HS3ST4: variants seen among roughly 807,000 people sequenced by gnomAD.
The protein encoded by HS3ST4 is heparan sulfate-glucosamine 3-sulfotransferase 4, also known as heparan sulfate glucosamine 3-O-sulfotransferase 4.
In HS3ST4, 17 loss-of-function variants were observed where a neutral mutation model predicts 29.2. The observed-to-expected ratio is 0.58, with a 90% CI of 0.40 to 0.87. The LOEUF is 0.87. Among genes scored for constraint, HS3ST4 ranks in the 40% least tolerant of loss-of-function variants. The probability of loss-of-function intolerance (pLI) is 0.00; values close to 1 mark genes in which losing one functional copy is unlikely to be tolerated. For synonymous variants in HS3ST4, 314 were observed against 285.7 expected (o/e 1.10, Z -1.00); for missense variants, 627 against 634.5 (o/e 0.99, Z 0.13).
intron 1 of HS3ST4, among the ~76,000 whole-genome samples, chr16:26,113,661 A>T (rs907990765): frequency 2.0e-5 from 3 of 152,056 alleles, no homozygotes; most frequent in African/African-American, 7.2e-5. Context: ...AGATGATGAG[A>T]ATAATGGCTG....
intron 1 of HS3ST4, among the ~76,000 whole-genome samples, chr16:26,000,584 A>G (rs1042571804): frequency 4.6e-5 from 7 of 152,110 alleles, no homozygotes; most frequent in Admixed American, 2.0e-4. Flanking sequence ...AGCCACTAGG[A>G]TTGAGTAGCA....
chr16:26,024,385 G>A (rs1362542326), intron 1 of HS3ST4, among the ~76,000 whole-genome samples: 1 of 152,096 alleles, frequency 6.6e-6, no homozygotes, highest in Non-Finnish European at 1.5e-5. Context: ...TAGAACTGTG[G>A]CATAAGAGTC....
chr16:25,830,144 T>C (rs1270298852), intron 1 of HS3ST4, among the ~76,000 whole-genome samples: 2 of 152,204 alleles, frequency 1.3e-5, no homozygotes, highest in Non-Finnish European at 2.9e-5. Context: ...TTAAATGGGC[T>C]CTTCCACATG....
intron 1 of HS3ST4, among the ~76,000 whole-genome samples, chr16:25,713,589 G>T (rs1966431682): frequency 6.6e-6 from 1 of 152,056 alleles, no homozygotes; most frequent in South Asian, 2.1e-4. Flanking sequence ...CAACACAAAA[G>T]GCCTTGGTTC....
intron 1 of HS3ST4, among the ~76,000 whole-genome samples, chr16:25,842,339 A>C (rs1967423736): frequency 6.6e-6 from 1 of 152,248 alleles, no homozygotes; most frequent in African/African-American, 2.4e-5. Context: ...ATGTTAACAC[A>C]CACTGAGATA....
chr16:25,828,240 T>TTCTTTTTCTGTC (rs1555467551), intron 1 of HS3ST4, among the ~76,000 whole-genome samples: 4 of 59,708 alleles, frequency 6.7e-5, no homozygotes, highest in African/African-American at 2.2e-4. Flanking sequence ...CTTTCTTTCT[T>TTCTTTTTCTGTC]TCTCTTTCTT....
At chr16:25,997,273 A>G (rs1969166265) in intron 1 of HS3ST4, among the ~76,000 whole-genome samples, 1 of 152,200 alleles carries the variant, frequency 6.6e-6, no homozygotes, top group African/African-American at 2.4e-5. Context: ...TCTGATTTCA[A>G]TGAAATGATG....
intron 1 of HS3ST4, among the ~76,000 whole-genome samples, chr16:25,781,813 C>G (rs1966852860): frequency 1.3e-5 from 2 of 152,176 alleles, no homozygotes; most frequent in Admixed American, 1.3e-4. Context: ...GCACAGTTAT[C>G]CTTCTTCTCT....
At chr16:25,986,559 C>T (rs1051870640) in intron 1 of HS3ST4, among the ~76,000 whole-genome samples, 2 of 152,210 alleles carry the variant, frequency 1.3e-5, no homozygotes, top group African/African-American at 4.8e-5. Flanking sequence ...TCAGTAGCAG[C>T]CCTCGTTGAC....
At chr16:25,881,374 A>G (rs1322289209) in intron 1 of HS3ST4, among the ~76,000 whole-genome samples, 1 of 152,222 alleles carries the variant, frequency 6.6e-6, no homozygotes, top group Admixed American at 6.5e-5. Context: ...AGGACATAGA[A>G]CATTCCTAAA....
chr16:26,048,060 A>T (rs548424470), intron 1 of HS3ST4, among the ~76,000 whole-genome samples: 5 of 152,162 alleles, frequency 3.3e-5, no homozygotes, highest in Non-Finnish European at 7.3e-5. Context: ...GTATCTCCTG[A>T]GACCTTTCTC....
chr16:25,713,676 G>A lies in HS3ST4; in HGVS notation c.734+20525G>A, dbSNP rs150274274. On this transcript the variant is annotated intron_variant, in intron 1 of 1. Transcript: ENST00000331351. ...AGGTATGGCGTAAACATCCAGGTTG[G>A]CCATTCCATGGCTCGGAGCACTGAA... Among the ~76,000 whole-genome samples, 40 of 152,282 alleles carry A rather than the reference G, an allele frequency of 2.6e-4. 2 individuals carry two copies. The East Asian group carries it at 7.7e-3, about 29-fold the overall frequency.
At chr16:25,910,421 A>G (rs900917270) in intron 1 of HS3ST4, among the ~76,000 whole-genome samples, 31 of 152,072 alleles carry the variant, frequency 2.0e-4, no homozygotes, top group Non-Finnish European at 7.4e-5. Flanking sequence ...CGGGCAGATC[A>G]CCTGAGGTCA....
At chr16:25,900,015 A>G (rs1217413005) in intron 1 of HS3ST4, among the ~76,000 whole-genome samples, 1 of 152,190 alleles carries the variant, frequency 6.6e-6, no homozygotes, top group Non-Finnish European at 1.5e-5. Flanking sequence ...TAAATCATAA[A>G]TGTTCTCCTG....
At chr16:26,059,331 C>T (rs1179190757) in intron 1 of HS3ST4, among the ~76,000 whole-genome samples, 4 of 151,934 alleles carry the variant, frequency 2.6e-5, no homozygotes, top group African/African-American at 9.7e-5. Context: ...GCCTCTCTCT[C>T]TTTTTTTTGA....
chr16:25,976,217 G>A (rs531620395), intron 1 of HS3ST4, among the ~76,000 whole-genome samples: 5 of 152,130 alleles, frequency 3.3e-5, no homozygotes, highest in African/African-American at 4.8e-5. Flanking sequence ...TTTATTACAA[G>A]TGTCTCATAT....
chr16:25,700,248 A>G (rs1966325698), intron 1 of HS3ST4, among the ~76,000 whole-genome samples: 1 of 152,218 alleles, frequency 6.6e-6, no homozygotes, highest in South Asian at 2.1e-4. Flanking sequence ...CACAAAAGAA[A>G]TGCGGTAAGG....
chr16:25,815,426 C>T (rs756951719), intron 1 of HS3ST4, among the ~76,000 whole-genome samples: 2 of 152,138 alleles, frequency 1.3e-5, no homozygotes, highest in Non-Finnish European at 2.9e-5. Context: ...CAAGTTCAAG[C>T]GATTCTTCTG....
chr16:25,778,085 C>G (rs563532185), intron 1 of HS3ST4, among the ~76,000 whole-genome samples: 59 of 152,020 alleles, frequency 3.9e-4, no homozygotes, highest in African/African-American at 1.4e-3. Context: ...TTCTTTTATG[C>G]TGTTTGATAT....
Sources: allele counts gnomAD v4.1 joint callset (sites outside exome capture counted in the v4.1 genomes callset), GRCh38; gene constraint gnomAD v4.1.1; transcripts MANE v1.5; gene names NCBI Gene and HGNC (gene_info 2026-07-23, HGNC 2026-07-21).